MASP1: variants seen among roughly 807,000 people sequenced by gnomAD.
MASP1 encodes mannan-binding lectin serine protease 1.
Under a neutral mutation model 77.1 loss-of-function variants are expected in MASP1, and 59 were observed. The ratio of observed to expected loss-of-function variants is 0.77; its 90% confidence interval spans 0.62 to 0.95. MASP1 has a LOEUF of 0.95. Among genes scored for constraint, MASP1 ranks in the 40% least tolerant of loss-of-function variants. The pLI, the probability that MASP1 is intolerant of heterozygous loss-of-function variation, is 0.00. For synonymous variants in MASP1, 362 were observed against 354.5 expected, an observed-to-expected ratio of 1.02 and a Z score of -0.24; for missense variants, 885 against 912.9, an observed-to-expected ratio of 0.97 and a Z score of 0.39.
chr3:187,219,977 G>A, exon 16 of MASP1: 5 of 1,331,466 alleles, frequency 3.8e-6, no homozygotes, highest in Non-Finnish European at 5.3e-6. Flanking sequence ...GGGGGGATGG[G>A]AGGAAGGAAA....
intron 2 of MASP1, among the ~76,000 whole-genome samples, chr3:187,269,449 G>T (rs566049317): frequency 3.1e-4 from 47 of 152,282 alleles, no homozygotes; most frequent in African/African-American, 1.1e-3. Context: ...AAAGCGAACT[G>T]AATAGACTAC....
intron 10 of MASP1, 32 bp downstream of exon 10, chr3:187,241,449 C>T: frequency 6.3e-7 from 1 of 1,593,994 alleles, no homozygotes; most frequent in Non-Finnish European, 8.6e-7. Context: ...GGATGGAAAA[C>T]TGTGAGGCAA....
At chr3:187,247,244 T>A (rs1402247777) in intron 8 of MASP1, 8 of 1,603,402 alleles carry the variant, frequency 5.0e-6, no homozygotes. Flanking sequence ...GGGGGTGTTG[T>A]GGGTGGGGAG....
intron 1 of MASP1, among the ~76,000 whole-genome samples, chr3:187,286,852 C>G (rs141197912): frequency 0.011 from 1,655 of 152,256 alleles, 25 homozygotes; most frequent in African/African-American, 0.038. Flanking sequence ...TGCCTCATCA[C>G]TCCTCTCCTA....
downstream of MASP1, among the ~76,000 whole-genome samples, chr3:187,233,633 C>T (rs748738952): frequency 1.3e-5 from 2 of 152,228 alleles, no homozygotes; most frequent in Non-Finnish European, 2.9e-5. Context: ...ACATGTTCTC[C>T]ATGATGCTGT....
At chr3:187,245,160 T>A (rs1227786065) in intron 8 of MASP1, among the ~76,000 whole-genome samples, 3 of 152,242 alleles carry the variant, frequency 2.0e-5, no homozygotes. Context: ...GTGAGGTAAA[T>A]GTGTGCAGCT....
chr3:187,225,535 C>T, intron 12 of MASP1: 25 of 1,612,714 alleles, frequency 1.6e-5, no homozygotes, highest in Non-Finnish European at 2.1e-5. Flanking sequence ...ACATGTGAGG[C>T]ATGGGTGCAA....
Position 187,256,710 on chromosome 3 carries a change from T to G in MASP1, c.698A>C (p.Asp233Ala), listed in dbSNP as rs1220597123. Residue 233 changes from aspartate (D) to alanine (A), a missense_variant, in exon 5 of 11, where the codon GAC becomes GCC. Asp to Ala is a moderately radical substitution (Grantham distance 126). Coordinates refer to ENST00000296280, the MANE Select transcript of MASP1 (RefSeq NM_139125.4). ...GGGCACCTCAGGATGGTCCTCAATG[T>G]CAAATATGTCCTCAAACTGCAGGTT... ...MVNLQFEDIF[D>A]IEDHPEVPCP... 2.5e-6 allele frequency: 4 copies of G among 1,613,946 alleles called. No homozygotes were observed. The highest frequency in any genetic ancestry group is 2.5e-6 in the Non-Finnish European group (3 of 1,179,990).
intron 4 of MASP1, among the ~76,000 whole-genome samples, chr3:187,258,392 T>C (rs368364084): frequency 1.3e-5 from 2 of 152,196 alleles, no homozygotes; most frequent in African/African-American, 4.8e-5. Flanking sequence ...TAATGTGAAG[T>C]CTCCATCCCA....
At chr3:187,247,590 C>A (rs539976478) in intron 8 of MASP1, among the ~76,000 whole-genome samples, 1 of 152,174 alleles carries the variant, frequency 6.6e-6, no homozygotes, top group African/African-American at 2.4e-5. Flanking sequence ...GAATTTGTAT[C>A]GTTCTGAGAA....
At chr3:187,263,433 C>T (rs1168209316) in intron 2 of MASP1, among the ~76,000 whole-genome samples, 1 of 152,116 alleles carries the variant, frequency 6.6e-6, no homozygotes, top group Non-Finnish European at 1.5e-5. Flanking sequence ...AAAGTACAAG[C>T]CCCATTCTGT....
chr3:187,270,969 A>G (rs941843825), intron 2 of MASP1, among the ~76,000 whole-genome samples: 1 of 152,250 alleles, frequency 6.6e-6, no homozygotes, highest in Non-Finnish European at 1.5e-5. Flanking sequence ...CAGAATCATA[A>G]GCAAACAAAA....
In MASP1 at chr3:187,291,634, T is replaced by C. The variant is rs1197262948; in HGVS notation, c.-2A>G. 2 of 1,614,204 alleles carry C rather than the reference T, an allele frequency of 1.2e-6. No homozygotes were observed. Among genetic ancestry groups the C allele is most frequent in the Non-Finnish European group, 1.7e-6 (2 of 1,180,014 alleles). On this transcript the variant is annotated 5_prime_UTR_variant, in exon 1 of 11. Transcript: ENST00000296280. ...CTCCTCCCCTGGCACGTACCTCATT[T>C]TCCTGCCTTGGGTGCTCCCGGCTGC...
intron 2 of MASP1, 74 bp from the exon 3 acceptor site, chr3:187,262,794 A>G (rs1451413418): frequency 7.0e-7 from 1 of 1,425,432 alleles, no homozygotes; most frequent in Non-Finnish European, 9.9e-7. Context: ...TTTAGAAAGA[A>G]AAAGGAAGGG....
chr3:187,262,407 A>C, intron 3 of MASP1, 136 bp downstream of exon 3: 1 of 824,180 alleles, frequency 1.2e-6, no homozygotes. Context: ...GTGATAGAGC[A>C]AATGCATTAA....
intron 4 of MASP1, 82 bp from the exon 5 acceptor site, chr3:187,256,942 C>T (rs1435321341): frequency 3.3e-6 from 4 of 1,202,332 alleles, no homozygotes; most frequent in Non-Finnish European, 4.9e-6. Flanking sequence ...ATATGATTTT[C>T]CCAATGGTCC....
At chr3:187,226,557 A>G (rs1047031568) in intron 11 of MASP1, 1 of 1,440,072 alleles carries the variant, frequency 6.9e-7, no homozygotes, top group Non-Finnish European at 9.6e-7. Context: ...GTCCTGCACT[A>G]CTGGGTCTTG....
chr3:187,220,445 G>T (rs543111084), intron 15 of MASP1, among the ~76,000 whole-genome samples: 2 of 151,590 alleles, frequency 1.3e-5, no homozygotes, highest in East Asian at 3.9e-4. Context: ...ATTCTAAAAA[G>T]CCCTGATTCA....
chr3:187,225,570 C>G, intron 12 of MASP1: 2 of 1,553,012 alleles, frequency 1.3e-6, no homozygotes, highest in African/African-American at 1.4e-5. Context: ...ACACCTTGTT[C>G]CCTGTCAGCC....
Sources: allele counts gnomAD v4.1 joint callset (sites outside exome capture counted in the v4.1 genomes callset), GRCh38; gene constraint gnomAD v4.1.1; transcripts MANE v1.5; gene names NCBI Gene and HGNC (gene_info 2026-07-23, HGNC 2026-07-21).